The following FSTL5 variants were observed in gnomAD, a reference collection of about 807,000 sequenced individuals.
The protein encoded by FSTL5 is follistatin-related protein 5.
Under a neutral mutation model 89.1 loss-of-function variants are expected in FSTL5, and 62 were observed. That is an observed-to-expected ratio of 0.70 (90% CI 0.57 to 0.86). The LOEUF is 0.86. FSTL5 is among the 40% of genes least tolerant of loss of function. The pLI is 0.00. For synonymous variants in FSTL5, 383 were observed against 346.2 expected, an observed-to-expected ratio of 1.11 and a Z score of -1.18; for missense variants, 1,057 against 1,001.6, an observed-to-expected ratio of 1.06 and a Z score of -0.75.
intron 3 of FSTL5, among the ~76,000 whole-genome samples, chr4:161,993,930 G>T (rs964793970): frequency 6.6e-6 from 1 of 152,038 alleles, no homozygotes; most frequent in Non-Finnish European, 1.5e-5. Context: ...GAGGGTACAC[G>T]TGGAGGTTTG....
chr4:162,140,076 AAT>A (rs1332172515), intron 1 of FSTL5, among the ~76,000 whole-genome samples: 1 of 152,128 alleles, frequency 6.6e-6, no homozygotes, highest in African/African-American at 2.4e-5. Context: ...AAATATTAGG[AAT>A]ATATTGTTAC....
chr4:161,645,942 T>C (rs996984162), intron 7 of FSTL5, among the ~76,000 whole-genome samples: 1 of 151,820 alleles, frequency 6.6e-6, no homozygotes, highest in Non-Finnish European at 1.5e-5. Context: ...AGTGCATTAT[T>C]TATAGTCTAG....
intron 11 of FSTL5, among the ~76,000 whole-genome samples, chr4:161,507,828 A>G (rs1578885797): frequency 6.6e-6 from 1 of 152,072 alleles, no homozygotes; most frequent in South Asian, 2.1e-4. Flanking sequence ...ATATAAAAAT[A>G]ACATAGGTTT....
intron 6 of FSTL5, among the ~76,000 whole-genome samples, chr4:161,743,993 T>C (rs1432384312): frequency 6.6e-6 from 1 of 152,198 alleles, no homozygotes; most frequent in Admixed American, 6.5e-5. Context: ...GTTTACTTGC[T>C]AGATTGCTGA....
At chr4:161,626,050 C>T (rs978801072) in intron 7 of FSTL5, among the ~76,000 whole-genome samples, 1 of 152,048 alleles carries the variant, frequency 6.6e-6, no homozygotes, top group Non-Finnish European at 1.5e-5. Context: ...GGAAAAAAGC[C>T]ACTTCCATAA....
intron 6 of FSTL5, among the ~76,000 whole-genome samples, chr4:161,695,677 A>G (rs1186884430): frequency 6.6e-6 from 1 of 151,896 alleles, no homozygotes; most frequent in Non-Finnish European, 1.5e-5. Context: ...GTGGTATTGC[A>G]TGGTAGTTTT....
chr4:162,024,789 C>T (rs1033150440), intron 3 of FSTL5, among the ~76,000 whole-genome samples: 5 of 151,930 alleles, frequency 3.3e-5, no homozygotes, highest in Non-Finnish European at 2.9e-5. Flanking sequence ...AGGGACTAAA[C>T]TACACACCTG....
chr4:162,150,019 G>T (rs996691183), intron 1 of FSTL5, among the ~76,000 whole-genome samples: 1 of 152,002 alleles, frequency 6.6e-6, no homozygotes, highest in African/African-American at 2.4e-5. Flanking sequence ...GGTGCTTTTG[G>T]TTTTTGCTAA....
chr4:161,861,084 G>T (rs1431757064), intron 4 of FSTL5, among the ~76,000 whole-genome samples: 1 of 152,042 alleles, frequency 6.6e-6, no homozygotes, highest in Non-Finnish European at 1.5e-5. Context: ...TATTTGTATT[G>T]ATATTATCCT....
At chr4:161,748,607 T>A (rs1050107331) in intron 6 of FSTL5, among the ~76,000 whole-genome samples, 8 of 9,572 alleles carry the variant, frequency 8.4e-4, no homozygotes, top group South Asian at 5.1e-3. Flanking sequence ...GGGAAGCACG[T>A]TTTTTTTTTT....
At chr4:161,611,427 C>A (rs1202208743) in intron 7 of FSTL5, among the ~76,000 whole-genome samples, 2 of 151,596 alleles carry the variant, frequency 1.3e-5, no homozygotes, top group Non-Finnish European at 2.9e-5. Flanking sequence ...TAATTTATAA[C>A]CTTCTACGTA....
intron 13 of FSTL5, among the ~76,000 whole-genome samples, chr4:161,460,939 T>G (rs1733545617): frequency 6.6e-6 from 1 of 151,130 alleles, no homozygotes; most frequent in South Asian, 2.1e-4. Context: ...GTGGTCACAT[T>G]GCATACTCTG....
chr4:161,600,647 A>G (rs1734199044), intron 7 of FSTL5, among the ~76,000 whole-genome samples: 1 of 152,144 alleles, frequency 6.6e-6, no homozygotes, highest in Non-Finnish European at 1.5e-5. Flanking sequence ...AGGCAAAAAA[A>G]TCTCATTTAG....
intron 4 of FSTL5, among the ~76,000 whole-genome samples, chr4:161,918,726 C>G (rs780185613): frequency 6.6e-6 from 1 of 151,766 alleles, no homozygotes. Context: ...CTCACTGCAA[C>G]CTCCGCCTCC....
intron 3 of FSTL5, among the ~76,000 whole-genome samples, chr4:161,928,663 T>A (rs930149142): frequency 3.3e-5 from 5 of 151,784 alleles, no homozygotes; most frequent in Admixed American, 2.0e-4. Flanking sequence ...TCCATAATCA[T>A]AACATAAGAT....
At chr4:161,656,718 T>C (rs1736531688) in intron 6 of FSTL5, among the ~76,000 whole-genome samples, 1 of 152,180 alleles carries the variant, frequency 6.6e-6, no homozygotes, top group Non-Finnish European at 1.5e-5. Flanking sequence ...CTATTAAGCA[T>C]GAAATGAATA....
intron 2 of FSTL5, among the ~76,000 whole-genome samples, chr4:162,041,123 A>G (rs1318770311): frequency 6.7e-6 from 1 of 150,312 alleles, no homozygotes; most frequent in Non-Finnish European, 1.5e-5. Context: ...AGAGGAATGC[A>G]GGCTTTCTTA....
chr4:161,825,441 T>C (rs1454672739), intron 4 of FSTL5, among the ~76,000 whole-genome samples: 3 of 152,154 alleles, frequency 2.0e-5, no homozygotes, highest in African/African-American at 7.2e-5. Context: ...TTTTTTTATC[T>C]TGTGGGATAG....
At chr4:162,040,005 A>G (rs551435695) in intron 2 of FSTL5, among the ~76,000 whole-genome samples, 1 of 152,154 alleles carries the variant, frequency 6.6e-6, no homozygotes, top group South Asian at 2.1e-4. Flanking sequence ...AAAATAGTCA[A>G]TGGATAAAAA....
Sources: gnomAD v4.1 joint callset for allele counts (sites outside exome capture counted in the v4.1 genomes callset) on GRCh38, gnomAD v4.1.1 for gene constraint, MANE v1.5 for transcripts, NCBI Gene and HGNC (gene_info 2026-07-23, HGNC 2026-07-21) for gene names.